DOP1B: variants seen among roughly 807,000 people sequenced by gnomAD.
DOP1B encodes the protein DOP1 leucine zipper like protein B.
DOP1B carries 174 observed loss-of-function variants against 233.5 expected under a neutral mutation model. The ratio of observed to expected loss-of-function variants is 0.75; its 90% CI spans 0.66 to 0.85. DOP1B has a LOEUF of 0.85. Among genes scored for constraint, DOP1B ranks in the 40% least tolerant of loss-of-function variants. The pLI, the probability that DOP1B is intolerant of heterozygous loss-of-function variation, is 0.00. For missense variants in DOP1B, 2,652 were observed against 2,846.6 expected (o/e 0.93, Z 1.56); for synonymous variants, 1,190 against 1,185.6 (o/e 1.00, Z -0.08).
intron 22 of DOP1B, among the ~76,000 whole-genome samples, chr21:36,253,000 C>T (rs1042186976): frequency 1.3e-5 from 2 of 152,212 alleles, no homozygotes; most frequent in Non-Finnish European, 2.9e-5. Flanking sequence ...CAGACATGGG[C>T]GCCTGTTCTC....
chr21:36,202,422 T>G (rs916773378), intron 4 of DOP1B, among the ~76,000 whole-genome samples: 2 of 152,184 alleles, frequency 1.3e-5, no homozygotes, highest in Non-Finnish European at 2.9e-5. Context: ...CATATTACCC[T>G]GTGCTGGAGG....
At chr21:36,232,230 G>A (rs1317462052) in intron 14 of DOP1B, among the ~76,000 whole-genome samples, 7 of 152,064 alleles carry the variant, frequency 4.6e-5, no homozygotes, top group African/African-American at 1.4e-4. Context: ...TGATCTGCCC[G>A]CCTTGGCCTC....
chr21:36,183,505 A>G (rs1307981612), intron 2 of DOP1B, among the ~76,000 whole-genome samples: 1 of 152,234 alleles, frequency 6.6e-6, no homozygotes, highest in Non-Finnish European at 1.5e-5. Context: ...ACGTGGACGT[A>G]CTTGTCTGTT....
intron 30 of DOP1B, among the ~76,000 whole-genome samples, chr21:36,279,007 A>G (rs530128315): frequency 6.6e-6 from 1 of 152,208 alleles, no homozygotes; most frequent in African/African-American, 2.4e-5. Flanking sequence ...TCTTTACCCC[A>G]CTTCTCGGCT....
At chr21:36,226,944 G>A (rs1000697972) in intron 12 of DOP1B, among the ~76,000 whole-genome samples, 3 of 152,026 alleles carry the variant, frequency 2.0e-5, no homozygotes, top group East Asian at 1.9e-4. Flanking sequence ...GGTGGCTCAC[G>A]TCTGTAATCC....
intron 26 of DOP1B, among the ~76,000 whole-genome samples, chr21:36,267,658 C>G (rs1423359158): frequency 8.2e-6 from 1 of 122,518 alleles, no homozygotes; most frequent in African/African-American, 3.4e-5. Flanking sequence ...TGGAGTCTTG[C>G]TCTGTTATTG....
chr21:36,255,912 C>T (rs2067090890), intron 23 of DOP1B, among the ~76,000 whole-genome samples: 1 of 152,014 alleles, frequency 6.6e-6, no homozygotes, highest in Non-Finnish European at 1.5e-5. Context: ...CTGGAGGGCC[C>T]ATGTTGTCTA....
rs149580730 is a variant in DOP1B at position 36,231,323 on chromosome 21, A to G, written c.2350+189A>G. 3.9e-3 allele frequency among the ~76,000 whole-genome samples: 601 copies of G among 152,352 alleles called. 4 individuals are homozygous for G. The Middle Eastern group carries it at 0.044, about 11-fold the overall frequency. ...TTCCTAATCCAGAAATCCAAAATCC[A>G]AGAGCTCCAGTGACTGTTTCCTTCG... On this transcript the variant is annotated intron_variant, in intron 14 of 36. Transcript: ENST00000691173.
intron 2 of DOP1B, among the ~76,000 whole-genome samples, chr21:36,180,505 A>G (rs924593507): frequency 6.6e-6 from 1 of 152,144 alleles, no homozygotes; most frequent in Non-Finnish European, 1.5e-5. Flanking sequence ...CAGGAGGCAG[A>G]GGTCACAGTG....
rs139410617 is a variant in DOP1B, at chr21:36,164,799, A to C, written c.66A>C (p.Glu22Asp). The C allele has an allele frequency of 3.3e-4, 525 of 1,612,632 alleles. 1 individual carries two copies. The highest frequency in any genetic ancestry group is 5.4e-4 in the Admixed American group (32 of 59,692). The change falls in exon 2 of 37, where the codon GAA becomes GAC. Residue 22 changes from glutamate (E) to aspartate (D), a missense_variant. By Grantham distance (45) the Glu-to-Asp change is conservative. This residue lies in a region of DOP1B where 2,617 missense variants were observed against 2,794.3 expected (regional missense o/e 0.94). Coordinates refer to ENST00000691173, the MANE Select transcript of DOP1B (RefSeq NM_001320714.2). ...YRYRSYSSVI[E>D]KALRNFESSS... ...ACAGAAGCTACTCTTCAGTGATTGA[A>C]AAGGCTTTGAGAAATTTTGAGTCCT...
chr21:36,284,016 C>G (rs571412664), intron 32 of DOP1B, among the ~76,000 whole-genome samples: 1 of 142,680 alleles, frequency 7.0e-6, no homozygotes, highest in South Asian at 2.3e-4. Context: ...GGCACAATCT[C>G]GGCTCACTGC....
At chr21:36,220,886 C>T (rs1348873231) in intron 10 of DOP1B, among the ~76,000 whole-genome samples, 1 of 152,100 alleles carries the variant, frequency 6.6e-6, no homozygotes, top group Non-Finnish European at 1.5e-5. Flanking sequence ...TCAATGGTCA[C>T]TGCAGCCTTG....
At chr21:36,234,194 T>C (rs1299669254) in intron 15 of DOP1B, among the ~76,000 whole-genome samples, 1 of 152,104 alleles carries the variant, frequency 6.6e-6, no homozygotes, top group Non-Finnish European at 1.5e-5. Flanking sequence ...TTCTTCCTGC[T>C]AGAGTTGAGT....
At chr21:36,244,019 C>CTT (rs35020490) in intron 18 of DOP1B, among the ~76,000 whole-genome samples, 2,904 of 70,590 alleles carry the variant, frequency 0.041, 64 homozygotes, top group East Asian at 0.07. Flanking sequence ...TTTTCCTTTC[C>CTT]TTTTTTTTTT....
At position 36,233,153 on chromosome 21, in the gene DOP1B, G is replaced by T. The variant is rs1386202861; in HGVS notation, c.2622+78G>T. The T allele has an allele frequency of 5.3e-6, 8 of 1,511,392 alleles. No individual in the cohort carries two copies. In the African/African-American group the frequency reaches 9.7e-5, roughly 18 times the overall value. 93.6% of individuals were successfully genotyped at this position (1,511,392 alleles called of 1,614,324 possible). ...AACTCAGAACCGTATTGCTGGGGAT[G>T]GGGGCAGTGGCCCACTTCTCTGAGA... is the stretch of plus-strand genomic sequence containing the variant. On this transcript the variant is annotated intron_variant, in intron 15 of 36. Coordinates refer to ENST00000691173, the MANE Select transcript of DOP1B (RefSeq NM_001320714.2).
At chr21:36,256,878 G>T (rs552037419) in intron 23 of DOP1B, among the ~76,000 whole-genome samples, 1 of 152,054 alleles carries the variant, frequency 6.6e-6, no homozygotes, top group Non-Finnish European at 1.5e-5. Context: ...AATTGATTCC[G>T]CAGTGGACAC....
In DOP1B at chr21:36,285,984, G is replaced by C. The variant is rs532860747; in HGVS notation, c.6161-2030G>C. Among the ~76,000 whole-genome samples the C allele has an allele frequency of 3.3e-3, 498 of 151,698 alleles. 3 individuals are homozygous for C. Among genetic ancestry groups the C allele is most frequent in the Middle Eastern group, 0.014 (4 of 294 alleles). ...GATCGCGCCACTGCACTCCAGCCTGGGTGACAGAGTGAGTGAGACTCCATC... is the reference window on the plus strand; with the variant it reads ...GATCGCGCCACTGCACTCCAGCCTGCGTGACAGAGTGAGTGAGACTCCATC... On this transcript the variant is annotated intron_variant, in intron 32 of 36. Transcript: ENST00000691173.
intron 11 of DOP1B, among the ~76,000 whole-genome samples, chr21:36,225,139 A>C (rs2066667548): frequency 6.6e-6 from 1 of 152,184 alleles, no homozygotes; most frequent in Non-Finnish European, 1.5e-5. Flanking sequence ...AGTTATGAGA[A>C]CTACAAAAGC....
rs60892353 is a variant in DOP1B at position 36,242,151 on chromosome 21, C to CATTATTGTTATTATTATTATTATT, written c.3067+2202_3067+2203insGTTATTATTATTATTATTATTATT. Among the ~76,000 whole-genome samples the CATTATTGTTATTATTATTATTATT allele has an allele frequency of 4.4e-3, 628 of 143,980 alleles. 10 individuals are homozygous for CATTATTGTTATTATTATTATTATT. Among genetic ancestry groups the CATTATTGTTATTATTATTATTATT allele is most frequent in the East Asian group, 0.022 (104 of 4,808 alleles). The allele number at this position is 143,980 out of a possible 152,430, so 94.5% of individuals were successfully genotyped here. On this transcript the variant is annotated intron_variant, in intron 18 of 36. Coordinates refer to ENST00000691173, the MANE Select transcript of DOP1B (RefSeq NM_001320714.2). ...AGCTCTATCTCCACAGTTCCTTGGGCATTATTATTATTATTATTATTATTA... is the reference window on the plus strand; with the variant it reads ...AGCTCTATCTCCACAGTTCCTTGGGCATTATTGTTATTATTATTATTATTATTATTATTATTATTATTATTATTA...
Sources: gnomAD v4.1 joint callset for allele counts (sites outside exome capture counted in the v4.1 genomes callset) on GRCh38, gnomAD v4.1.1 for gene constraint, gnomAD v4.1.1 regional missense constraint, MANE v1.5 for transcripts, NCBI Gene and HGNC (gene_info 2026-07-23, HGNC 2026-07-21) for gene names.